RIBC2: variants seen among roughly 807,000 people sequenced by gnomAD.
RIBC2 encodes RIB43A domain with coiled-coils 2, also known as RIB43A-like with coiled-coils protein 2.
In RIBC2, 40 loss-of-function variants were observed where a neutral mutation model predicts 44.3. The ratio of observed to expected loss-of-function variants is 0.90; its 90% CI spans 0.70 to 1.18. RIBC2 has a LOEUF of 1.18. Among genes scored for constraint, RIBC2 ranks in the 50% most tolerant of loss-of-function variants. The pLI is 0.00. For missense variants in RIBC2, 459 were observed against 485.5 expected (o/e 0.95, Z 0.51); for synonymous variants, 171 against 175.0 (o/e 0.98, Z 0.18).
chr22:45,431,998 GAAATC>G (rs2087584297), intron 6 of RIBC2, among the ~76,000 whole-genome samples: 1 of 152,104 alleles, frequency 6.6e-6, no homozygotes, highest in Non-Finnish European at 1.5e-5. Context: ...AATGATCTGA[GAAATC>G]AAACAGGGTG....
At chr22:45,416,939 T>G (rs987999179) in intron 2 of RIBC2, among the ~76,000 whole-genome samples, 16 of 148,364 alleles carry the variant, frequency 1.1e-4, no homozygotes, top group African/African-American at 4.0e-4. Context: ...TCTCATTCTG[T>G]AACCCAGCCT....
intron 5 of RIBC2, among the ~76,000 whole-genome samples, chr22:45,426,566 G>A (rs1202649302): frequency 6.6e-6 from 1 of 152,238 alleles, no homozygotes; most frequent in Non-Finnish European, 1.5e-5. Flanking sequence ...GGAGTGAGGA[G>A]AGGGGCAGGT....
intron 4 of RIBC2, among the ~76,000 whole-genome samples, chr22:45,423,330 T>G (rs1569209721): frequency 6.6e-6 from 1 of 151,238 alleles, no homozygotes. Flanking sequence ...CACAAGGTTT[T>G]CTTTTCGAAT....
intron 3 of RIBC2, among the ~76,000 whole-genome samples, chr22:45,418,813 G>C (rs1483005865): frequency 2.0e-5 from 3 of 152,036 alleles, no homozygotes; most frequent in East Asian, 3.9e-4. Context: ...TGTCTCCCCA[G>C]ATCATCTTCT....
chr22:45,422,297 C>A lies in RIBC2; in HGVS notation c.564C>A (p.Leu188=). Residue 188 remains leucine, a synonymous_variant, in exon 4 of 7, where the codon CTC becomes CTA. Coordinates refer to ENST00000614167, the MANE Select transcript of RIBC2 (RefSeq NM_015653.5). ...ARAEQKCAEA[L]YTETRLQFDE... is the part of the protein sequence containing the mutation. Reference sequence around the variant, plus strand: ...CTTCTTGCCTCCTTTCAGAGGCCCTCTACACAGAGACAAGGCTGCAGTTTG... The same window carrying A: ...CTTCTTGCCTCCTTTCAGAGGCCCTATACACAGAGACAAGGCTGCAGTTTG... The A allele has an allele frequency of 6.2e-7, 1 of 1,613,900 alleles. No homozygotes were observed. Among genetic ancestry groups the A allele is most frequent in the Non-Finnish European group, 8.5e-7 (1 of 1,179,742 alleles).
At chr22:45,414,820 C>G (rs1158073044) in intron 2 of RIBC2, among the ~76,000 whole-genome samples, 1 of 152,038 alleles carries the variant, frequency 6.6e-6, no homozygotes, top group African/African-American at 2.4e-5. Flanking sequence ...CCTTCATTTT[C>G]TTAAAAAACT....
intron 4 of RIBC2, among the ~76,000 whole-genome samples, chr22:45,424,432 C>A (rs1022342881): frequency 3.9e-5 from 6 of 152,374 alleles, no homozygotes; most frequent in Admixed American, 6.5e-5. Flanking sequence ...GGCAGGCCAC[C>A]CACTGCGTCC....
rs762500334 is a variant in RIBC2 at position 45,425,987 on chromosome 22, C to G, written c.715C>G (p.Gln239Glu). The stretch of plus-strand genomic sequence containing the variant: ...GGAAAGGAAAAAGCAAGAGAAAAAG[C>G]AAGAACAAGAGGACAACTTGGCCGA... ...SVERKKQEKK[Q>E]EQEDNLAEIT... The change falls in exon 5 of 7, where the codon CAA (glutamine) becomes GAA (glutamate). Residue 239 changes from glutamine (Q) to glutamate (E), a missense_variant. Physicochemically the swap from Gln to Glu is conservative, Grantham distance 29. Transcript: ENST00000614167. The G allele has an allele frequency of 1.9e-6, 3 of 1,613,914 alleles. No homozygotes were observed. The East Asian group carries it at 6.7e-5, about 36-fold the overall frequency.
At chr22:45,416,178 G>C (rs1193325413) in intron 2 of RIBC2, among the ~76,000 whole-genome samples, 3 of 152,012 alleles carry the variant, frequency 2.0e-5, no homozygotes, top group Non-Finnish European at 4.4e-5. Context: ...CATATAGAGA[G>C]TATTCATTTT....
At chr22:45,424,986 C>T (rs1242426430) in intron 4 of RIBC2, among the ~76,000 whole-genome samples, 1 of 151,976 alleles carries the variant, frequency 6.6e-6, no homozygotes, top group Non-Finnish European at 1.5e-5. Context: ...GAACTCCTGA[C>T]CTTGTGATTT....
chr22:45,432,211 C>CAA (rs35724408), intron 6 of RIBC2, 73 bp from the exon 7 acceptor site: 319 of 657,674 alleles, frequency 4.9e-4, no homozygotes, highest in South Asian at 6.7e-4. Context: ...TGTGCCTTTT[C>CAA]AAAAAAAAAA....
chr22:45,432,394 G>T lies in RIBC2; in HGVS notation c.*32G>T, dbSNP rs779977321. 2 of 1,385,522 alleles carry T rather than the reference G, an allele frequency of 1.4e-6. No homozygotes were observed. The highest frequency in any genetic ancestry group is 1.4e-5 in the African/African-American group (1 of 69,196). 85.8% of individuals were successfully genotyped at this position (1,385,522 alleles called of 1,614,324 possible). Reference sequence around the variant, plus strand: ...ACACACCCTTGTTCCCGTCATTCACGTATAAAGAGTGGCTACCTTAAAGAG... The same window carrying T: ...ACACACCCTTGTTCCCGTCATTCACTTATAAAGAGTGGCTACCTTAAAGAG... On this transcript the variant is annotated 3_prime_UTR_variant, in exon 7 of 7. Transcript: ENST00000614167.
chr22:45,419,960 A>G (rs916823164), intron 3 of RIBC2, among the ~76,000 whole-genome samples: 3 of 152,162 alleles, frequency 2.0e-5, no homozygotes, highest in African/African-American at 7.2e-5. Context: ...CGGGAGGCGG[A>G]GCTTGCAGTG....
intron 6 of RIBC2, among the ~76,000 whole-genome samples, chr22:45,431,741 G>T (rs566494458): frequency 3.1e-4 from 47 of 152,256 alleles, no homozygotes; most frequent in South Asian, 8.3e-4. Context: ...AGGCTGAGGC[G>T]GGCGGATTAT....
chr22:45,424,342 A>G (rs1388838016), intron 4 of RIBC2, among the ~76,000 whole-genome samples: 1 of 152,114 alleles, frequency 6.6e-6, no homozygotes, highest in African/African-American at 2.4e-5. Context: ...TCAGAGAGGC[A>G]TTGTGGCATC....
rs1358680322 is a variant in RIBC2 at position 45,421,529 on chromosome 22, GT to G, written c.557-760del. On this transcript the variant is annotated intron_variant, in intron 3 of 6. Coordinates refer to ENST00000614167, the MANE Select transcript of RIBC2 (RefSeq NM_015653.5). Reference sequence around the variant, plus strand: ...AATAGTATTATTAATAATAATAATAGTATTATTAATAATATTAATAATAATA... The same window carrying G: ...AATAGTATTATTAATAATAATAATAGATTATTAATAATATTAATAATAATA... Among the ~76,000 whole-genome samples, 243 of 30,742 alleles carry G rather than the reference GT, an allele frequency of 7.9e-3. 6 individuals are homozygous for G. The African/African-American group carries it at 0.087, about 11-fold the overall frequency. 20.2% of individuals were successfully genotyped at this position (30,742 alleles called of 152,430 possible).
In RIBC2 at chr22:45,417,744, C is replaced by G; in HGVS notation, c.354C>G (p.Ser118=). Residue 118 remains serine, a synonymous_variant, in exon 3 of 7, where the codon TCC becomes TCG. Transcript: ENST00000614167. ...KPETRREFDL[S]DPLALKKDLP... ...AAACTCGCCGTGAATTTGATCTGTC[C>G]GACCCCCTAGCCCTTAAGAAAGATC... 1 of 1,614,070 alleles carries G rather than the reference C, an allele frequency of 6.2e-7. No individual in the cohort carries two copies. The highest frequency in any genetic ancestry group is 8.5e-7 in the Non-Finnish European group (1 of 1,180,018).
chr22:45,432,230 G>T (rs1602124512), intron 6 of RIBC2, 54 bp from the exon 7 acceptor site: 4 of 904,110 alleles, frequency 4.4e-6, no homozygotes, highest in South Asian at 3.2e-5. Context: ...AAAAAAGAAA[G>T]AATAGGAAGT....
At chr22:45,432,214 A>G in intron 6 of RIBC2, 70 bp from the exon 7 acceptor site, 1 of 750,926 alleles carries the variant, frequency 1.3e-6, no homozygotes, top group Non-Finnish European at 2.0e-6. Context: ...GCCTTTTCAA[A>G]AAAAAAAAAA....
Sources: allele counts gnomAD v4.1 joint callset (sites outside exome capture counted in the v4.1 genomes callset), GRCh38; gene constraint gnomAD v4.1.1; transcripts MANE v1.5; gene names NCBI Gene and HGNC (gene_info 2026-07-23, HGNC 2026-07-21).